Variants in KHDRBS2 observed in about 807,000 individuals in gnomAD.
The protein encoded by KHDRBS2 is KH domain-containing, RNA-binding, signal transduction-associated protein 2.
A neutral mutation model predicts 44.3 loss-of-function variants in KHDRBS2; 26 were observed. The observed-to-expected ratio is 0.59, with a 90% confidence interval of 0.43 to 0.81. KHDRBS2 has a LOEUF of 0.81. KHDRBS2 is among the 40% of genes least tolerant of loss of function. The probability of loss-of-function intolerance (pLI) is 0.00; values close to 1 mark genes in which losing one functional copy is unlikely to be tolerated. For synonymous variants in KHDRBS2, 194 were observed against 151.1 expected (o/e 1.28, Z -2.08); for missense variants, 476 against 433.1 (o/e 1.10, Z -0.88).
the KHDRBS2 span, among the ~76,000 whole-genome samples, chr6:61,659,649 A>G: frequency 6.6e-6 from 1 of 151,826 alleles, no homozygotes; most frequent in Non-Finnish European, 1.5e-5. Flanking sequence ...CTTGCATCTT[A>G]AAATCCACAG....
chr6:61,811,328 C>T (rs1306503425), intron 6 of KHDRBS2, among the ~76,000 whole-genome samples: 1 of 152,152 alleles, frequency 6.6e-6, no homozygotes, highest in African/African-American at 2.4e-5. Context: ...ATATGTACCA[C>T]ATTTACTTTA....
chr6:61,992,630 C>T (rs1389413761), intron 3 of KHDRBS2, among the ~76,000 whole-genome samples: 3 of 152,024 alleles, frequency 2.0e-5, no homozygotes, highest in African/African-American at 4.8e-5. Flanking sequence ...CGTGCGCACG[C>T]TTATATGTGT....
At chr6:62,273,116 C>A (rs938615131) in intron 1 of KHDRBS2, among the ~76,000 whole-genome samples, 1 of 152,208 alleles carries the variant, frequency 6.6e-6, no homozygotes, top group African/African-American at 2.4e-5. Context: ...TGTTTTCAGC[C>A]ACTACCCTCA....
chr6:61,698,476 A>G (rs1768173263), intron 7 of KHDRBS2, among the ~76,000 whole-genome samples: 1 of 152,120 alleles, frequency 6.6e-6, no homozygotes, highest in African/African-American at 2.4e-5. Context: ...AGTTATTACT[A>G]TCTCTCATTT....
chr6:61,570,230 C>T, the KHDRBS2 span, among the ~76,000 whole-genome samples: 11 of 152,128 alleles, frequency 7.2e-5, no homozygotes, highest in Non-Finnish European at 1.5e-5. Flanking sequence ...GAAAAACAAT[C>T]ACAACTTCCA....
intron 6 of KHDRBS2, among the ~76,000 whole-genome samples, chr6:61,807,303 A>G (rs2127591507): frequency 6.6e-6 from 1 of 152,280 alleles, no homozygotes; most frequent in Admixed American, 6.5e-5. Context: ...CATTTGGCCC[A>G]GCAATCCCAT....
At chr6:61,566,591 G>C in the KHDRBS2 span, among the ~76,000 whole-genome samples, 1 of 152,044 alleles carries the variant, frequency 6.6e-6, no homozygotes, top group African/African-American at 2.4e-5. Flanking sequence ...CTACGCCCAG[G>C]AATGAAAAAG....
chr6:62,231,511 C>T (rs1197676489), intron 1 of KHDRBS2, among the ~76,000 whole-genome samples: 1 of 152,146 alleles, frequency 6.6e-6, no homozygotes, highest in Non-Finnish European at 1.5e-5. Context: ...CTTTCCTTGA[C>T]ACACGGGGAT....
intron 1 of KHDRBS2, among the ~76,000 whole-genome samples, chr6:62,200,523 A>C (rs186556411): frequency 6.6e-5 from 10 of 152,358 alleles, no homozygotes; most frequent in Admixed American, 5.9e-4. Flanking sequence ...TGCACATCAA[A>C]ACCACAATGA....
At chr6:62,059,197 A>ATTTTTTTTTTTTTTTTTT (rs1562748697) in intron 2 of KHDRBS2, among the ~76,000 whole-genome samples, 1 of 30,076 alleles carries the variant, frequency 3.3e-5, no homozygotes, top group African/African-American at 7.8e-5. Flanking sequence ...AAAGTTAGGA[A>ATTTTTTTTTTTTTTTTTT]GTTTTTTTTT....
At chr6:62,254,770 G>A (rs1159851991) in intron 1 of KHDRBS2, among the ~76,000 whole-genome samples, 1 of 152,008 alleles carries the variant, frequency 6.6e-6, no homozygotes, top group African/African-American at 2.4e-5. Flanking sequence ...ACTGCAACAA[G>A]CAGTTCGAGC....
chr6:61,788,345 G>C (rs960812771), intron 6 of KHDRBS2, among the ~76,000 whole-genome samples: 2 of 151,424 alleles, frequency 1.3e-5, no homozygotes, highest in Non-Finnish European at 3.0e-5. Flanking sequence ...TCTACACTTA[G>C]TGTCATTTCA....
At chr6:62,159,663 C>A (rs1287468952) in intron 2 of KHDRBS2, among the ~76,000 whole-genome samples, 1 of 152,078 alleles carries the variant, frequency 6.6e-6, no homozygotes, top group Non-Finnish European at 1.5e-5. Flanking sequence ...ATACTAATAG[C>A]CTACTGTTGA....
At chr6:62,141,601 A>G (rs1812819664) in intron 2 of KHDRBS2, among the ~76,000 whole-genome samples, 2 of 152,108 alleles carry the variant, frequency 1.3e-5, no homozygotes, top group Admixed American at 1.3e-4. Context: ...AAGATGCTGC[A>G]TTTTTAGTTC....
Position 62,137,293 on chromosome 6 carries a change from G to A in KHDRBS2, c.219+39892C>T, listed in dbSNP as rs562384747. Reference sequence around the variant, plus strand: ...TGGGATTACAGGCGTGAGCCACCGCGCCCAGCTCAGCTTTTTTTCTTAAAT... The same window carrying A: ...TGGGATTACAGGCGTGAGCCACCGCACCCAGCTCAGCTTTTTTTCTTAAAT... On this transcript the variant is annotated intron_variant, in intron 2 of 8. Transcript: ENST00000281156. Among the ~76,000 whole-genome samples, 8 of 152,174 alleles carry A rather than the reference G, an allele frequency of 5.3e-5. No individual in the cohort carries two copies. The South Asian group carries it at 8.3e-4, about 16-fold the overall frequency.
chr6:62,242,599 C>A (rs1490288143), intron 1 of KHDRBS2, among the ~76,000 whole-genome samples: 20 of 151,562 alleles, frequency 1.3e-4, no homozygotes, highest in Non-Finnish European at 2.9e-5. Flanking sequence ...AAAAGGAGAA[C>A]CATTGGTAAT....
intron 2 of KHDRBS2, among the ~76,000 whole-genome samples, chr6:62,168,251 G>C (rs1480213031): frequency 6.6e-6 from 1 of 152,120 alleles, no homozygotes; most frequent in Non-Finnish European, 1.5e-5. Context: ...GCAATATATT[G>C]CTTTAAAAAG....
At chr6:61,581,548 T>C in the KHDRBS2 span, among the ~76,000 whole-genome samples, 1 of 146,986 alleles carries the variant, frequency 6.8e-6, no homozygotes, top group Non-Finnish European at 1.5e-5. Flanking sequence ...ATATACAATA[T>C]ACAATACACA....
chr6:61,574,325 T>C, the KHDRBS2 span: 2 of 1,528,734 alleles, frequency 1.3e-6, no homozygotes, highest in East Asian at 4.9e-5. Flanking sequence ...GGGACTTGTA[T>C]GAATGGCTCG....
Sources: allele counts gnomAD v4.1 joint callset (sites outside exome capture counted in the v4.1 genomes callset), GRCh38; gene constraint gnomAD v4.1.1; transcripts MANE v1.5; gene names NCBI Gene and HGNC (gene_info 2026-07-23, HGNC 2026-07-21).